The following MCTP1 variants were observed in gnomAD, a reference collection of about 807,000 sequenced individuals.
MCTP1 encodes the protein multiple C2 and transmembrane domain-containing protein 1.
In MCTP1, 69 loss-of-function variants were observed where a neutral mutation model predicts 120.6. That is an observed-to-expected ratio of 0.57 (90% confidence interval 0.47 to 0.70). The LOEUF (loss-of-function observed/expected upper bound fraction) is 0.70. Among genes scored for constraint, MCTP1 ranks in the 30% least tolerant of loss-of-function variants. The probability of loss-of-function intolerance (pLI) is 0.00; values close to 1 mark genes in which losing one functional copy is unlikely to be tolerated. For synonymous variants in MCTP1, 529 were observed against 493.1 expected (o/e 1.07, Z -0.96); for missense variants, 1,203 against 1,248.8 (o/e 0.96, Z 0.55).
intron 1 of MCTP1, among the ~76,000 whole-genome samples, chr5:95,208,217 G>A (rs938449316): frequency 1.3e-5 from 2 of 152,118 alleles, no homozygotes; most frequent in Admixed American, 1.3e-4. Context: ...AGCCTCCCTA[G>A]TAGCTGGGAT....
At chr5:95,120,971 A>G (rs954420310) in intron 1 of MCTP1, among the ~76,000 whole-genome samples, 1 of 152,154 alleles carries the variant, frequency 6.6e-6, no homozygotes, top group African/African-American at 2.4e-5. Context: ...GAACTGATAA[A>G]CAAATTAGGT....
chr5:95,226,539 TTCTCCCAGTCAACTAAGC>T (rs1313859600), intron 1 of MCTP1, among the ~76,000 whole-genome samples: 1 of 152,170 alleles, frequency 6.6e-6, no homozygotes, highest in Non-Finnish European at 1.5e-5. Context: ...TCTGTAATTC[TTCTCCCAGTCAACTAAGC>T]TCTCTGTCAC....
intron 1 of MCTP1, among the ~76,000 whole-genome samples, chr5:95,128,660 A>T (rs1758806492): frequency 6.6e-6 from 1 of 152,202 alleles, no homozygotes; most frequent in South Asian, 2.1e-4. Flanking sequence ...GTTGCTTAGG[A>T]CTGGGGAAGG....
chr5:95,282,656 T>TA (rs1292282567), intron 1 of MCTP1, among the ~76,000 whole-genome samples: 1 of 152,234 alleles, frequency 6.6e-6, no homozygotes, highest in Admixed American at 6.5e-5. Flanking sequence ...TATCTCTACT[T>TA]ACTCTTCTGA....
chr5:95,250,997 C>A (rs377220912), intron 1 of MCTP1, among the ~76,000 whole-genome samples: 2 of 152,070 alleles, frequency 1.3e-5, no homozygotes, highest in Admixed American at 1.3e-4. Context: ...ATGCTCCAGG[C>A]ACTGAACTAG....
At chr5:95,118,408 C>T (rs1757977723) in intron 1 of MCTP1, among the ~76,000 whole-genome samples, 2 of 151,484 alleles carry the variant, frequency 1.3e-5, no homozygotes, top group Admixed American at 1.3e-4. Context: ...AAATGAAAAG[C>T]ATAAAATTAA....
At chr5:95,210,941 T>C (rs1050954353) in intron 1 of MCTP1, among the ~76,000 whole-genome samples, 4 of 152,102 alleles carry the variant, frequency 2.6e-5, no homozygotes, top group African/African-American at 9.7e-5. Context: ...TGAAGCTTAG[T>C]TTGGCTGGAT....
intron 1 of MCTP1, among the ~76,000 whole-genome samples, chr5:95,051,299 G>A (rs769539861): frequency 1.3e-5 from 2 of 152,074 alleles, no homozygotes; most frequent in Non-Finnish European, 2.9e-5. Context: ...TCCCAGGCCC[G>A]AAGCTCTGCA....
intron 2 of MCTP1, among the ~76,000 whole-genome samples, chr5:94,955,031 G>A (rs1822194327): frequency 6.6e-6 from 1 of 152,146 alleles, no homozygotes; most frequent in South Asian, 2.1e-4. Context: ...AATGCAGAAG[G>A]CGGGTGATTT....
intron 5 of MCTP1, among the ~76,000 whole-genome samples, chr5:94,935,862 T>A (rs1252761461): frequency 6.6e-6 from 1 of 152,094 alleles, no homozygotes; most frequent in Admixed American, 6.6e-5. Context: ...TTTCTCTAAA[T>A]AAAATTTGTT....
At chr5:94,885,031 T>C (rs1800951261) in intron 12 of MCTP1, among the ~76,000 whole-genome samples, 1 of 152,226 alleles carries the variant, frequency 6.6e-6, no homozygotes, top group South Asian at 2.1e-4. Context: ...TTAATGGGAC[T>C]ATTTCAGTGA....
At chr5:95,007,642 T>TA (rs1449525025) in intron 2 of MCTP1, among the ~76,000 whole-genome samples, 1 of 152,194 alleles carries the variant, frequency 6.6e-6, no homozygotes, top group East Asian at 1.9e-4. Context: ...ATTGCTTTTT[T>TA]AAAAATGTCC....
intron 1 of MCTP1, among the ~76,000 whole-genome samples, chr5:95,214,964 T>C (rs1445857466): frequency 2.0e-5 from 3 of 151,940 alleles, no homozygotes; most frequent in Non-Finnish European, 4.4e-5. Flanking sequence ...TGTATACATA[T>C]GTAACAAACC....
At chr5:94,825,289 G>A (rs1786724073) in intron 17 of MCTP1, among the ~76,000 whole-genome samples, 1 of 151,994 alleles carries the variant, frequency 6.6e-6, no homozygotes, top group Admixed American at 6.6e-5. Context: ...CCTTAATTTT[G>A]TTATTTACTC....
At chr5:94,719,966 C>T (rs1043723246) in intron 19 of MCTP1, among the ~76,000 whole-genome samples, 1 of 151,654 alleles carries the variant, frequency 6.6e-6, no homozygotes, top group African/African-American at 2.4e-5. Context: ...GTCTCTACTA[C>T]AAATACAAAA....
intron 1 of MCTP1, among the ~76,000 whole-genome samples, chr5:95,062,627 CCTT>C (rs1749537044): frequency 6.6e-6 from 1 of 152,160 alleles, no homozygotes. Context: ...CCCCACATAT[CCTT>C]CTGGTATCTG....
chr5:95,042,646 T>C (rs1431366119), intron 1 of MCTP1, among the ~76,000 whole-genome samples: 1 of 152,208 alleles, frequency 6.6e-6, no homozygotes, highest in Non-Finnish European at 1.5e-5. Flanking sequence ...CAGTCTTGCA[T>C]TCAAATGCCA....
intron 19 of MCTP1, among the ~76,000 whole-genome samples, chr5:94,716,857 T>C (rs1202305181): frequency 6.6e-6 from 1 of 152,114 alleles, no homozygotes; most frequent in African/African-American, 2.4e-5. Flanking sequence ...TTTCTAAAGT[T>C]TGTTGGACAA....
In MCTP1 at chr5:95,072,614, T is replaced by C. The variant is rs200290633; in HGVS notation, c.721-55130A>G. On this transcript the variant is annotated intron_variant, in intron 1 of 22. Transcript: ENST00000515393. ...AGCTCCAAAGAAGATGTTTTCATTC[T>C]CATGTTAGGAGGAGGAAACTAAAGC... Among the ~76,000 whole-genome samples the C allele has an allele frequency of 1.9e-4, 29 of 152,282 alleles. No individual in the cohort carries two copies. In the East Asian group the frequency reaches 5.6e-3, roughly 29 times the overall value.
Sources: allele counts gnomAD v4.1 joint callset (sites outside exome capture counted in the v4.1 genomes callset), GRCh38; gene constraint gnomAD v4.1.1; transcripts MANE v1.5; gene names NCBI Gene and HGNC (gene_info 2026-07-23, HGNC 2026-07-21).